The following DTNB variants were observed in gnomAD, a reference collection of about 807,000 sequenced individuals.
The protein encoded by DTNB is DTN-B.
Under a neutral mutation model 90.7 loss-of-function variants are expected in DTNB, and 63 were observed. That is an observed-to-expected ratio of 0.69 (90% CI 0.57 to 0.86). The LOEUF is 0.86. Ranked by LOEUF, DTNB falls within the 40% of genes least tolerant of loss-of-function variation. The pLI is 0.00. For missense variants in DTNB, 744 were observed against 807.1 expected (o/e 0.92, Z 0.95); for synonymous variants, 277 against 286.7 (o/e 0.97, Z 0.34).
intron 16 of DTNB, among the ~76,000 whole-genome samples, chr2:25,412,034 C>T (rs945430972): frequency 3.9e-5 from 6 of 152,124 alleles, no homozygotes; most frequent in African/African-American, 1.4e-4. Context: ...AAGGGGTTCA[C>T]CAACAATCTC....
chr2:25,413,188 T>C (rs2047015190), intron 16 of DTNB, among the ~76,000 whole-genome samples: 1 of 152,196 alleles, frequency 6.6e-6, no homozygotes, highest in Non-Finnish European at 1.5e-5. Context: ...TTGGTGTTTG[T>C]ATTTTTTTGG....
intron 1 of DTNB, among the ~76,000 whole-genome samples, chr2:25,655,208 T>C (rs1165192488): frequency 1.3e-5 from 2 of 152,238 alleles, no homozygotes; most frequent in Non-Finnish European, 2.9e-5. Context: ...CCTGACAAGA[T>C]TCTTCTGAAC....
At chr2:25,461,894 G>A (rs2061003699) in intron 10 of DTNB, among the ~76,000 whole-genome samples, 1 of 152,174 alleles carries the variant, frequency 6.6e-6, no homozygotes, top group African/African-American at 2.4e-5. Context: ...TCAGTACAAC[G>A]ACCACAGAGC....
At chr2:25,580,135 C>T (rs2061348166) in intron 7 of DTNB, among the ~76,000 whole-genome samples, 1 of 151,962 alleles carries the variant, frequency 6.6e-6, no homozygotes, top group Admixed American at 6.5e-5. Flanking sequence ...GCACCCACAA[C>T]CACGCCCAGC....
intron 3 of DTNB, among the ~76,000 whole-genome samples, chr2:25,631,135 G>T (rs2075644477): frequency 6.6e-6 from 1 of 152,064 alleles, no homozygotes; most frequent in South Asian, 2.1e-4. Context: ...AATGATGATG[G>T]TTGTACGACT....
intron 6 of DTNB, chr2:25,595,279 T>C (rs993486620): frequency 7.2e-5 from 11 of 152,230 alleles, no homozygotes; most frequent in East Asian, 3.8e-4. Context: ...AGTTTCTCCA[T>C]TGTAAATTTA....
intron 16 of DTNB, among the ~76,000 whole-genome samples, chr2:25,389,244 A>C (rs961360904): frequency 2.6e-5 from 4 of 152,038 alleles, no homozygotes; most frequent in African/African-American, 9.7e-5. Context: ...CATGGGAACA[A>C]CCCCTTGACT....
At chr2:25,631,573 C>CAA (rs762603520) in intron 3 of DTNB, among the ~76,000 whole-genome samples, 139 of 86,198 alleles carry the variant, frequency 1.6e-3, no homozygotes, top group African/African-American at 5.8e-3. Context: ...ACCCTGTGGT[C>CAA]AAAAAAAAAA....
chr2:25,420,520 A>ATCTATCTATCTATCTGTCTG (rs869201592), intron 15 of DTNB, among the ~76,000 whole-genome samples: 6 of 89,268 alleles, frequency 6.7e-5, no homozygotes, highest in African/African-American at 1.9e-4. Context: ...CTATCTATCT[A>ATCTATCTATCTATCTGTCTG]TCTGTCTGTC....
intron 5 of DTNB, among the ~76,000 whole-genome samples, chr2:25,603,074 C>T (rs1454289358): frequency 1.3e-5 from 2 of 152,146 alleles, no homozygotes; most frequent in African/African-American, 2.4e-5. Context: ...TATTGTTGAA[C>T]TGCCTTTCAA....
intron 8 of DTNB, among the ~76,000 whole-genome samples, chr2:25,536,888 G>A (rs934188619): frequency 5.3e-5 from 8 of 151,994 alleles, no homozygotes; most frequent in East Asian, 1.9e-4. Flanking sequence ...GACTACAGGC[G>A]CGTGCCACCA....
intron 8 of DTNB, among the ~76,000 whole-genome samples, chr2:25,563,573 T>G (rs188318591): frequency 6.6e-5 from 10 of 152,366 alleles, no homozygotes; most frequent in Admixed American, 2.0e-4. Flanking sequence ...AAGAGTTTTA[T>G]AGTTGTAGCT....
In DTNB at chr2:25,558,665, GT is replaced by G. The variant is rs2057757194; in HGVS notation, c.876+18172del. 3.3e-5 allele frequency among the ~76,000 whole-genome samples: 5 copies of G among 152,240 alleles called. No homozygotes were observed. In the South Asian group the frequency reaches 1.0e-3, roughly 32 times the overall value. On this transcript the variant is annotated intron_variant, in intron 8 of 20. Coordinates refer to ENST00000406818, the MANE Select transcript of DTNB (RefSeq NM_021907.5). ...TTAAACAGCTGGGTCCATTTTGAAT[GT>G]TCTCGTTTTAAACTTAGCATTTTTG...
intron 3 of DTNB, among the ~76,000 whole-genome samples, chr2:25,634,364 C>A (rs2076626667): frequency 7.2e-6 from 1 of 139,512 alleles, no homozygotes; most frequent in Non-Finnish European, 1.6e-5. Flanking sequence ...CGGCCAGCCG[C>A]CCCGTCCGGG....
intron 9 of DTNB, among the ~76,000 whole-genome samples, chr2:25,524,265 C>T (rs563684442): frequency 5.9e-5 from 9 of 151,868 alleles, no homozygotes; most frequent in Admixed American, 1.3e-4. Flanking sequence ...ACCATTAACA[C>T]GTATTGAATA....
rs1263698503 is a variant in DTNB at position 25,387,954 on chromosome 2, C to T, written c.1735+248G>A. 6.6e-6 allele frequency among the ~76,000 whole-genome samples: 1 copy of T among 152,210 alleles called. No homozygotes were observed. The highest frequency in any genetic ancestry group is 1.5e-5 in the Non-Finnish European group (1 of 68,032). Reference sequence around the variant, plus strand: ...CAAAGGACAAAGCACTTCCAATAATCCAGAAAAAAGGGCAGAGAACCCCAG... The same window carrying T: ...CAAAGGACAAAGCACTTCCAATAATTCAGAAAAAAGGGCAGAGAACCCCAG... On this transcript the variant is annotated intron_variant, in intron 17 of 20. Coordinates refer to ENST00000406818, the MANE Select transcript of DTNB (RefSeq NM_021907.5). The surrounding 1 kb of genome is among the most constrained non-coding windows in gnomAD (Gnocchi z 4.5).
intron 9 of DTNB, among the ~76,000 whole-genome samples, chr2:25,520,037 G>A (rs2075858629): frequency 6.6e-6 from 1 of 152,032 alleles, no homozygotes. Flanking sequence ...CCGATAATTG[G>A]AGAATACAAT....
intron 15 of DTNB, among the ~76,000 whole-genome samples, chr2:25,420,520 A>ATCTGTCTG (rs386354870): frequency 5.2e-4 from 46 of 89,264 alleles, no homozygotes; most frequent in African/African-American, 1.3e-3. Context: ...CTATCTATCT[A>ATCTGTCTG]TCTGTCTGTC....
In DTNB at chr2:25,539,833, C is replaced by T. The variant is rs1317476743; in HGVS notation, c.877-8236G>A. The stretch of plus-strand genomic sequence containing the variant: ...TATACTTCCAAATTACCGTCTAAAA[C>T]GTTTTATACTCTTCACTTTTCATAT... On this transcript the variant is annotated intron_variant, in intron 8 of 20. Coordinates refer to ENST00000406818, the MANE Select transcript of DTNB (RefSeq NM_021907.5). Among the ~76,000 whole-genome samples, 3 of 151,986 alleles carry T rather than the reference C, an allele frequency of 2.0e-5. No individual in the cohort carries two copies. The East Asian group carries it at 5.8e-4, about 29-fold the overall frequency.
Sources: gnomAD v4.1 joint callset for allele counts (sites outside exome capture counted in the v4.1 genomes callset) on GRCh38, gnomAD v4.1.1 for gene constraint, Gnocchi (gnomAD v3.1) non-coding constraint, MANE v1.5 for transcripts, NCBI Gene and HGNC (gene_info 2026-07-23, HGNC 2026-07-21) for gene names.